The following RAPGEF2 variants were observed in gnomAD, a reference collection of about 807,000 sequenced individuals.
RAPGEF2 encodes Rap guanine nucleotide exchange factor 2.
In RAPGEF2, 54 loss-of-function variants were observed where a neutral mutation model predicts 186.7. The ratio of observed to expected loss-of-function variants is 0.29; its 90% CI spans 0.23 to 0.36. RAPGEF2 has a LOEUF of 0.36. RAPGEF2 is among the 10% of genes least tolerant of loss of function. The pLI, the probability that RAPGEF2 is intolerant of heterozygous loss-of-function variation, is 1.00. For synonymous variants in RAPGEF2, 712 were observed against 705.9 expected, an observed-to-expected ratio of 1.01 and a Z score of -0.14; for missense variants, 1,532 against 2,045.0, an observed-to-expected ratio of 0.75 and a Z score of 4.84.
Position 159,331,997 on chromosome 4 carries a change from C to T in RAPGEF2, c.1851C>T (p.Asn617=). ...LSKAMEILRN[N]THLSITVKTN... The stretch of plus-strand genomic sequence containing the variant: ...AAGCTATGGAAATTCTTAGAAATAA[C>T]ACACATTTATCTATCACTGTGAAAA... Residue 617 remains asparagine, a synonymous_variant, in exon 16 of 30, where the codon AAC becomes AAT. Coordinates refer to ENST00000691494, the MANE Select transcript of RAPGEF2 (RefSeq NM_001394067.2). 1.9e-6 allele frequency: 3 copies of T among 1,608,066 alleles called. No individual in the cohort carries two copies. In the East Asian group the frequency reaches 6.7e-5, roughly 36 times the overall value.
chr4:159,231,568 G>C (rs903431165), intron 4 of RAPGEF2, among the ~76,000 whole-genome samples: 2 of 151,800 alleles, frequency 1.3e-5, no homozygotes, highest in African/African-American at 4.8e-5. Flanking sequence ...TTAATGTTAG[G>C]GGAAAGAAAA....
intron 28 of RAPGEF2, among the ~76,000 whole-genome samples, 159 bp downstream of exon 28, chr4:159,354,205 A>G (rs942970140): frequency 1.3e-5 from 2 of 152,166 alleles, no homozygotes; most frequent in South Asian, 2.1e-4. Flanking sequence ...TTTGAAATCA[A>G]TAGTGGTTAA....
At chr4:159,321,492 G>C (rs1275753259) in intron 9 of RAPGEF2, among the ~76,000 whole-genome samples, 1 of 152,180 alleles carries the variant, frequency 6.6e-6, no homozygotes, top group Non-Finnish European at 1.5e-5. Context: ...ACAGGCACGA[G>C]CCACTGCGCC....
chr4:159,254,600 C>CT (rs34644510), intron 7 of RAPGEF2, among the ~76,000 whole-genome samples: 5,441 of 124,550 alleles, frequency 0.044, 384 homozygotes, highest in African/African-American at 0.14. Context: ...TACAGCATGA[C>CT]TTTTTTTTTT....
At position 159,331,377 on chromosome 4, in the gene RAPGEF2, A is replaced by C; in HGVS notation, c.1468-54A>C. On this transcript the variant is annotated intron_variant, in intron 13 of 29. Transcript: ENST00000691494. Reference sequence around the variant, plus strand: ...TGGATATCTTTTCTGGAATGATTTTAATCACATTTTTGGCACTAAAAAGGA... The same window carrying C: ...TGGATATCTTTTCTGGAATGATTTTCATCACATTTTTGGCACTAAAAAGGA... 6 of 1,053,254 alleles carry C rather than the reference A, an allele frequency of 5.7e-6. No individual in the cohort carries two copies. The South Asian group carries it at 9.2e-5, about 16-fold the overall frequency. 65.2% of individuals were successfully genotyped at this position (1,053,254 alleles called of 1,614,324 possible).
intron 1 of RAPGEF2, among the ~76,000 whole-genome samples, chr4:159,177,105 G>A (rs900253293): frequency 1.3e-5 from 2 of 151,920 alleles, no homozygotes; most frequent in Non-Finnish European, 1.5e-5. Context: ...TATAACAGAT[G>A]TGATAAAATA....
At chr4:159,133,433 T>TC (rs1741325230) in intron 1 of RAPGEF2, among the ~76,000 whole-genome samples, 1 of 152,038 alleles carries the variant, frequency 6.6e-6, no homozygotes, top group East Asian at 1.9e-4. Context: ...TTTTTTTTTT[T>TC]CAGAGTTTTG....
At chr4:159,306,736 C>T (rs1326826812) in intron 8 of RAPGEF2, among the ~76,000 whole-genome samples, 1 of 152,102 alleles carries the variant, frequency 6.6e-6, no homozygotes, top group Non-Finnish European at 1.5e-5. Context: ...CAACTTTTCC[C>T]TGTTCAGTAA....
At chr4:159,322,260 A>G (rs1035840343) in intron 9 of RAPGEF2, 87 bp from the exon 10 acceptor site, 6 of 1,279,430 alleles carry the variant, frequency 4.7e-6, no homozygotes, top group Middle Eastern at 1.9e-4. Context: ...AGGGCATTTA[A>G]AAAGAAAGGA....
chr4:159,339,974 T>G (rs1729166096), intron 19 of RAPGEF2, among the ~76,000 whole-genome samples: 1 of 152,008 alleles, frequency 6.6e-6, no homozygotes, highest in Non-Finnish European at 1.5e-5. Context: ...AAGAAAATGT[T>G]GTGTCTGATT....
At chr4:159,295,285 T>G (rs1171162643) in intron 7 of RAPGEF2, among the ~76,000 whole-genome samples, 1 of 152,182 alleles carries the variant, frequency 6.6e-6, no homozygotes, top group Non-Finnish European at 1.5e-5. Context: ...CCTAGAGAAT[T>G]TTTTGGAATC....
chr4:159,316,824 T>C (rs1484356607), intron 9 of RAPGEF2, among the ~76,000 whole-genome samples: 2 of 152,222 alleles, frequency 1.3e-5, no homozygotes, highest in Non-Finnish European at 2.9e-5. Context: ...TATCCACCTT[T>C]CCATCATAGC....
intron 1 of RAPGEF2, among the ~76,000 whole-genome samples, chr4:159,184,329 A>C (rs1747337279): frequency 6.6e-6 from 1 of 152,190 alleles, no homozygotes; most frequent in Non-Finnish European, 1.5e-5. Context: ...TGTCTTCCAC[A>C]ATCGTTGAAC....
intron 1 of RAPGEF2, among the ~76,000 whole-genome samples, chr4:159,124,403 G>A (rs1339583301): frequency 6.6e-6 from 1 of 151,894 alleles, no homozygotes; most frequent in African/African-American, 2.4e-5. Context: ...GCTGAGCATG[G>A]TGGCACGCGC....
rs147072245 is a variant in RAPGEF2 at position 159,143,427 on chromosome 4, A to G, written c.69+39196A>G. ...GGAAACTCATAAAAGTGAGAAGCAC[A>G]TAAAAATCTTTATTTGGAATGTTTA... is the stretch of plus-strand genomic sequence containing the variant. On this transcript the variant is annotated intron_variant, in intron 1 of 29. Transcript: ENST00000691494. 2.6e-5 allele frequency among the ~76,000 whole-genome samples: 4 copies of G among 152,346 alleles called. No homozygotes were observed. In the South Asian group the frequency reaches 6.2e-4, roughly 24 times the overall value.
chr4:159,269,167 A>T (rs1757796922), intron 7 of RAPGEF2, among the ~76,000 whole-genome samples: 1 of 152,182 alleles, frequency 6.6e-6, no homozygotes, highest in African/African-American at 2.4e-5. Flanking sequence ...AAGGCCATGA[A>T]TGTAGAATAT....
At chr4:159,310,949 A>G (rs1397145279) in intron 8 of RAPGEF2, among the ~76,000 whole-genome samples, 1 of 151,868 alleles carries the variant, frequency 6.6e-6, no homozygotes, top group Non-Finnish European at 1.5e-5. Flanking sequence ...TTTATGACTT[A>G]GCAAAGTGGA....
At chr4:159,119,838 A>C (rs1474150284) in intron 1 of RAPGEF2, among the ~76,000 whole-genome samples, 1 of 152,204 alleles carries the variant, frequency 6.6e-6, no homozygotes, top group East Asian at 1.9e-4. Flanking sequence ...TTGGCATATG[A>C]TATTTTCTAA....
At chr4:159,135,878 CG>C (rs1352075236) in intron 1 of RAPGEF2, among the ~76,000 whole-genome samples, 1 of 152,156 alleles carries the variant, frequency 6.6e-6, no homozygotes, top group African/African-American at 2.4e-5. Context: ...GGATTACAGG[CG>C]TGAGCCACTG....
Sources: allele counts gnomAD v4.1 joint callset (sites outside exome capture counted in the v4.1 genomes callset), GRCh38; gene constraint gnomAD v4.1.1; transcripts MANE v1.5; gene names NCBI Gene and HGNC (gene_info 2026-07-23, HGNC 2026-07-21).